The following PVT1 variants were observed in gnomAD, a reference collection of about 807,000 sequenced individuals.
The protein encoded by PVT1 is Pvt1 oncogene.
intron 2 of PVT1, among the ~76,000 whole-genome samples, chr8:127,820,565 C>T (rs1814716677): frequency 6.6e-6 from 1 of 152,134 alleles, no homozygotes; most frequent in African/African-American, 2.4e-5. Context: ...GTACACATTT[C>T]CTAGGGTGCT....
At chr8:127,870,067 G>A (rs1815335101) in intron 2 of PVT1, among the ~76,000 whole-genome samples, 1 of 152,192 alleles carries the variant, frequency 6.6e-6, no homozygotes, top group South Asian at 2.1e-4. Flanking sequence ...GCTTCCCAAA[G>A]TGTTGGGGTT....
At chr8:127,897,581 GAAA>G (rs894627694) in intron 3 of PVT1, among the ~76,000 whole-genome samples, 5 of 144,888 alleles carry the variant, frequency 3.5e-5, no homozygotes, top group Non-Finnish European at 6.0e-5. Context: ...AGGAAAGAAA[GAAA>G]GAAGAGAGGG....
intron 4 of PVT1, among the ~76,000 whole-genome samples, chr8:128,067,143 A>G (rs1813920489): frequency 6.6e-6 from 1 of 152,080 alleles, no homozygotes; most frequent in African/African-American, 2.4e-5. Flanking sequence ...TTTATCTTAT[A>G]CTTCATTGCT....
intron 3 of PVT1, among the ~76,000 whole-genome samples, chr8:127,922,927 A>G (rs1816080483): frequency 6.6e-6 from 1 of 152,250 alleles, no homozygotes; most frequent in Non-Finnish European, 1.5e-5. Flanking sequence ...CGGGAGTCCC[A>G]GACATGAAGG....
chr8:127,840,297 G>A (rs971311617), intron 2 of PVT1, among the ~76,000 whole-genome samples: 4 of 152,208 alleles, frequency 2.6e-5, no homozygotes, highest in Admixed American at 2.6e-4. Flanking sequence ...TGAGTGCTGA[G>A]GAGGAAAAGG....
At chr8:127,830,396 A>T (rs1467820567) in intron 2 of PVT1, among the ~76,000 whole-genome samples, 1 of 151,114 alleles carries the variant, frequency 6.6e-6, no homozygotes, top group Admixed American at 6.6e-5. Context: ...GGAGCTTGCT[A>T]TGTGGGGGTG....
At chr8:127,967,819 G>A (rs757232964) in intron 3 of PVT1, among the ~76,000 whole-genome samples, 34 of 152,206 alleles carry the variant, frequency 2.2e-4, no homozygotes, top group Non-Finnish European at 4.3e-4. Context: ...CATCTCACAG[G>A]AGATTCATTG....
chr8:127,941,189 C>A (rs920131896), intron 3 of PVT1, among the ~76,000 whole-genome samples: 1 of 152,218 alleles, frequency 6.6e-6, no homozygotes, highest in African/African-American at 2.4e-5. Context: ...GGATTTAAAT[C>A]TTTTCTCCCT....
At chr8:127,921,852 A>ATT (rs1816062657) in intron 3 of PVT1, among the ~76,000 whole-genome samples, 13 of 82,026 alleles carry the variant, frequency 1.6e-4, no homozygotes, top group East Asian at 3.9e-4. Context: ...TTTTTGGTTC[A>ATT]TGTTTTTTTT....
intron 4 of PVT1, among the ~76,000 whole-genome samples, chr8:128,063,897 A>G (rs531650282): frequency 3.9e-5 from 6 of 152,254 alleles, no homozygotes; most frequent in Non-Finnish European, 8.8e-5. Context: ...CATGTTAATT[A>G]GCTAGATTTA....
At chr8:127,897,166 C>T (rs1225418783) in intron 3 of PVT1, among the ~76,000 whole-genome samples, 4 of 152,178 alleles carry the variant, frequency 2.6e-5, no homozygotes, top group African/African-American at 7.2e-5. Context: ...TACCCCTGAG[C>T]GAGTTTGGGG....
At chr8:127,843,563 C>G (rs1295430059) in intron 2 of PVT1, among the ~76,000 whole-genome samples, 1 of 152,000 alleles carries the variant, frequency 6.6e-6, no homozygotes, top group East Asian at 1.9e-4. Flanking sequence ...CTGCCTCAGC[C>G]TCTTGAGTAG....
chr8:128,077,581 C>G (rs1814107547), intron 5 of PVT1, among the ~76,000 whole-genome samples: 1 of 152,076 alleles, frequency 6.6e-6, no homozygotes, highest in Non-Finnish European at 1.5e-5. Flanking sequence ...CCAAGATAAA[C>G]CAAAAAGGCA....
chr8:127,811,201 C>T (rs938663458), intron 2 of PVT1, among the ~76,000 whole-genome samples: 1 of 152,200 alleles, frequency 6.6e-6, no homozygotes, highest in Non-Finnish European at 1.5e-5. Flanking sequence ...TTTCTCTCCT[C>T]ATGCCAAAAG....
intron 2 of PVT1, among the ~76,000 whole-genome samples, chr8:127,868,789 A>ACG (rs74220497): frequency 6.1e-4 from 69 of 114,018 alleles, no homozygotes; most frequent in Middle Eastern, 3.8e-3. Flanking sequence ...ATATATATAT[A>ACG]TATACATATA....
At chr8:127,960,422 A>G (rs1816626289) in intron 3 of PVT1, among the ~76,000 whole-genome samples, 1 of 152,136 alleles carries the variant, frequency 6.6e-6, no homozygotes, top group South Asian at 2.1e-4. Context: ...GGGACATTAC[A>G]GATAAGGCTG....
At chr8:127,842,694 C>A (rs1814986393) in intron 2 of PVT1, among the ~76,000 whole-genome samples, 1 of 152,080 alleles carries the variant, frequency 6.6e-6, no homozygotes, top group Non-Finnish European at 1.5e-5. Context: ...TGAGACAGGG[C>A]CAATAATGAA....
chr8:127,857,657 GCCA>G (rs1815176185), intron 2 of PVT1, among the ~76,000 whole-genome samples: 1 of 152,180 alleles, frequency 6.6e-6, no homozygotes, highest in Non-Finnish European at 1.5e-5. Flanking sequence ...CTCAGTCTAG[GCCA>G]CAGAGTGAGA....
At chr8:127,961,902 G>T (rs1465221906) in intron 3 of PVT1, among the ~76,000 whole-genome samples, 2 of 152,206 alleles carry the variant, frequency 1.3e-5, no homozygotes, top group East Asian at 1.9e-4. Flanking sequence ...TCACATTTTG[G>T]TCTATAAAGT....
Sources: allele counts gnomAD v4.1 joint callset (sites outside exome capture counted in the v4.1 genomes callset), GRCh38; gene constraint gnomAD v4.1.1; transcripts MANE v1.5; gene names NCBI Gene and HGNC (gene_info 2026-07-23, HGNC 2026-07-21).